SPAG16: variants seen among roughly 807,000 people sequenced by gnomAD.
The protein encoded by SPAG16 is sperm-associated antigen 16 protein.
A neutral mutation model predicts 80.4 loss-of-function variants in SPAG16; 86 were observed. The observed-to-expected ratio is 1.07, with a 90% CI of 0.90 to 1.28. SPAG16 has a LOEUF of 1.28. Among genes scored for constraint, SPAG16 ranks in the 50% most tolerant of loss-of-function variants. The probability of loss-of-function intolerance (pLI) is 0.00; values close to 1 mark genes in which losing one functional copy is unlikely to be tolerated. For synonymous variants in SPAG16, 294 were observed against 265.9 expected (o/e 1.11, Z -1.03); for missense variants, 870 against 765.3 (o/e 1.14, Z -1.61).
intron 12 of SPAG16, among the ~76,000 whole-genome samples, chr2:213,941,531 A>G (rs1258033724): frequency 6.6e-6 from 1 of 152,140 alleles, no homozygotes; most frequent in Non-Finnish European, 1.5e-5. Context: ...CTGGATCTGC[A>G]GGTTTATTCA....
At chr2:213,855,797 C>T (rs930267849) in intron 10 of SPAG16, among the ~76,000 whole-genome samples, 7 of 152,060 alleles carry the variant, frequency 4.6e-5, no homozygotes, top group Admixed American at 4.6e-4. Flanking sequence ...GGGAAACCAC[C>T]CCCAGGATTC....
At chr2:214,038,068 T>C (rs1052105783) in intron 13 of SPAG16, among the ~76,000 whole-genome samples, 2 of 152,172 alleles carry the variant, frequency 1.3e-5, no homozygotes, top group Non-Finnish European at 2.9e-5. Flanking sequence ...GTGCTAAATG[T>C]CTAATGTCAG....
chr2:214,270,023 AAT>A (rs1322355856), intron 15 of SPAG16, among the ~76,000 whole-genome samples: 1 of 152,190 alleles, frequency 6.6e-6, no homozygotes, highest in Admixed American at 6.6e-5. Flanking sequence ...CGTTATTATC[AAT>A]ATGTTTAGTT....
chr2:213,721,983 A>T (rs1308017315), intron 10 of SPAG16, among the ~76,000 whole-genome samples: 2 of 152,228 alleles, frequency 1.3e-5, no homozygotes, highest in Non-Finnish European at 2.9e-5. Flanking sequence ...AAAACTGTTT[A>T]TAACGGGTAA....
At chr2:213,675,588 T>A (rs2125237716) in intron 10 of SPAG16, among the ~76,000 whole-genome samples, 1 of 152,330 alleles carries the variant, frequency 6.6e-6, no homozygotes, top group African/African-American at 2.4e-5. Context: ...GGATCCAGTT[T>A]CAGCTTTCTA....
rs115536036 is a variant in SPAG16, at chr2:213,774,433, G to A, written c.1071-88052G>A. ...CCTTAATCTTCACATGGCATTTTTC[G>A]TGTGTCTGTCTGCATGTGGTCATCT... is the stretch of plus-strand genomic sequence containing the variant. On this transcript the variant is annotated intron_variant, in intron 10 of 15. Transcript: ENST00000331683. 4.7e-4 allele frequency among the ~76,000 whole-genome samples: 72 copies of A among 152,096 alleles called. 1 individual carries two copies. Among genetic ancestry groups the A allele is most frequent in the African/African-American group, 1.6e-3 (68 of 41,484 alleles).
In SPAG16 at chr2:214,214,185, C is replaced by CT. The variant is rs71399124; in HGVS notation, c.1720+64932dup. ...ATATCCTTCCCAACCTTCCTTTTTACTTTTTTTTTTTTTGAGACAGAGTCA... is the reference window on the plus strand; with the variant it reads ...ATATCCTTCCCAACCTTCCTTTTTACTTTTTTTTTTTTTTGAGACAGAGTCA... On this transcript the variant is annotated intron_variant, in intron 15 of 15. Transcript: ENST00000331683. 7.8e-3 allele frequency among the ~76,000 whole-genome samples: 1,089 copies of CT among 140,018 alleles called. 14 individuals are homozygous for CT. Among genetic ancestry groups the CT allele is most frequent in the Non-Finnish European group, 0.011 (740 of 65,316 alleles). 91.9% of individuals were successfully genotyped at this position (140,018 alleles called of 152,430 possible). A position where few individuals can be genotyped will look rare whatever the true frequency, so the allele number is the denominator to read the frequency against.
intron 9 of SPAG16, among the ~76,000 whole-genome samples, chr2:213,451,627 C>A (rs983908027): frequency 2.0e-5 from 3 of 152,152 alleles, no homozygotes; most frequent in African/African-American, 7.2e-5. Flanking sequence ...AAAAGAACAG[C>A]TCTCTGTCAC....
intron 11 of SPAG16, among the ~76,000 whole-genome samples, chr2:213,873,916 C>A (rs1003610223): frequency 1.3e-5 from 2 of 152,034 alleles, no homozygotes; most frequent in African/African-American, 4.8e-5. Flanking sequence ...AGGCTATATA[C>A]CATAGACTAT....
chr2:213,426,750 ATCTGGTG>A (rs2069940323), intron 9 of SPAG16, among the ~76,000 whole-genome samples: 1 of 144,088 alleles, frequency 6.9e-6, no homozygotes, highest in African/African-American at 2.6e-5. Flanking sequence ...AAAAGCATAA[ATCTGGTG>A]TGTGTGTGTG....
At chr2:214,077,746 T>A (rs1035219252) in intron 13 of SPAG16, among the ~76,000 whole-genome samples, 1 of 152,198 alleles carries the variant, frequency 6.6e-6, no homozygotes, top group African/African-American at 2.4e-5. Context: ...ATAGGGGAGT[T>A]TGATTTCCAA....
At chr2:214,017,815 C>T (rs955565861) in intron 13 of SPAG16, among the ~76,000 whole-genome samples, 1 of 152,226 alleles carries the variant, frequency 6.6e-6, no homozygotes. Flanking sequence ...TTTAAGTTGA[C>T]TTAATGGCAA....
intron 13 of SPAG16, among the ~76,000 whole-genome samples, chr2:214,075,499 T>C (rs2125241368): frequency 6.6e-6 from 1 of 152,308 alleles, no homozygotes; most frequent in Middle Eastern, 3.4e-3. Flanking sequence ...TCAACTTAGG[T>C]ATTTTCACTT....
chr2:214,127,120 A>G (rs962757145), intron 14 of SPAG16, among the ~76,000 whole-genome samples: 1 of 151,862 alleles, frequency 6.6e-6, no homozygotes, highest in African/African-American at 2.4e-5. Flanking sequence ...TTGACCTCTA[A>G]TCACTGCTGC....
At chr2:213,820,861 T>C (rs539144838) in intron 10 of SPAG16, among the ~76,000 whole-genome samples, 1 of 152,248 alleles carries the variant, frequency 6.6e-6, no homozygotes, top group Admixed American at 6.5e-5. Flanking sequence ...CTTATATGTA[T>C]AATGCTTTTA....
rs772327324 is a variant in SPAG16 at position 213,317,327 on chromosome 2, A to G, written c.507A>G (p.Lys169=). Residue 169 remains lysine (K), a synonymous_variant, in exon 5 of 16, where the codon AAA becomes AAG. Transcript: ENST00000331683. Reference sequence around the variant, plus strand: ...AAAATGAGAACAAAAATTTAAAGAAAGATTTGAAGCACTACAAACAAGCAG... The same window carrying G: ...AAAATGAGAACAAAAATTTAAAGAAGGATTTGAAGCACTACAAACAAGCAG... ...LLENENKNLK[K]DLKHYKQAAD... is the part of the protein sequence containing the mutation. 1.2e-6 allele frequency: 2 copies of G among 1,610,838 alleles called. No homozygotes were observed. The highest frequency in any genetic ancestry group is 2.7e-5 in the African/African-American group (2 of 74,912).
At chr2:213,919,061 C>T (rs2106199937) in intron 11 of SPAG16, among the ~76,000 whole-genome samples, 1 of 152,048 alleles carries the variant, frequency 6.6e-6, no homozygotes, top group African/African-American at 2.4e-5. Flanking sequence ...AGCTAGCAGT[C>T]TCTCTTATTT....
intron 7 of SPAG16, among the ~76,000 whole-genome samples, chr2:213,359,588 G>A (rs1292976671): frequency 2.0e-5 from 3 of 152,176 alleles, no homozygotes; most frequent in Non-Finnish European, 4.4e-5. Context: ...AGCCAGGCAC[G>A]GGAGAAAATC....
At chr2:213,778,746 G>A (rs2069758712) in intron 10 of SPAG16, among the ~76,000 whole-genome samples, 1 of 151,796 alleles carries the variant, frequency 6.6e-6, no homozygotes, top group Non-Finnish European at 1.5e-5. Flanking sequence ...TAGTTCTTTG[G>A]CCCCACTGAT....
Sources: allele counts gnomAD v4.1 joint callset (sites outside exome capture counted in the v4.1 genomes callset), GRCh38; gene constraint gnomAD v4.1.1; transcripts MANE v1.5; gene names NCBI Gene and HGNC (gene_info 2026-07-23, HGNC 2026-07-21).